The following EVL variants were observed in gnomAD, a reference collection of about 807,000 sequenced individuals.
The protein encoded by EVL is ena/VASP-like protein.
Under a neutral mutation model 59.6 loss-of-function variants are expected in EVL, and 21 were observed. The observed-to-expected ratio is 0.35, with a 90% CI of 0.25 to 0.51. EVL has a LOEUF of 0.51. Ranked by LOEUF, EVL falls within the 20% of genes least tolerant of loss-of-function variation. The pLI is 0.97. For missense variants in EVL, 462 were observed against 546.6 expected, an observed-to-expected ratio of 0.85 and a Z score of 1.54; for synonymous variants, 198 against 203.5, an observed-to-expected ratio of 0.97 and a Z score of 0.23.
At chr14:99,973,868 A>G (rs2060752222) in intron 1 of EVL, among the ~76,000 whole-genome samples, 1 of 152,198 alleles carries the variant, frequency 6.6e-6, no homozygotes, top group Non-Finnish European at 1.5e-5. Flanking sequence ...AAGGGGTTAA[A>G]TTTTATTTTT....
At chr14:99,975,492 A>C (rs1042675407) in intron 1 of EVL, among the ~76,000 whole-genome samples, 28 of 152,172 alleles carry the variant, frequency 1.8e-4, no homozygotes, top group African/African-American at 5.3e-4. Flanking sequence ...ATGTGAGACC[A>C]GCAGTTCACA....
intron 1 of EVL, chr14:100,066,532 G>C (rs999916684): frequency 6.6e-6 from 1 of 152,104 alleles, no homozygotes; most frequent in African/African-American, 2.4e-5. Flanking sequence ...ACTTGTCCAG[G>C]GCTGCTTATT....
chr14:100,098,879 A>G (rs1354439795), intron 3 of EVL, among the ~76,000 whole-genome samples: 1 of 152,172 alleles, frequency 6.6e-6, no homozygotes, highest in African/African-American at 2.4e-5. Context: ...TTACATTTAA[A>G]TGAACTAGAA....
chr14:100,129,426 G>A lies in EVL; in HGVS notation c.718-137G>A. On this transcript the variant is annotated intron_variant, in intron 6 of 13. Coordinates refer to ENST00000392920, the MANE Select transcript of EVL (RefSeq NM_016337.3). ...TGTGGGGTTGGAGAATAATGGACCA[G>A]ATGGCCCCTGAGGCCCCTTGCAGTG... The A allele has an allele frequency of 2.4e-6, 3 of 1,247,788 alleles. No individual in the cohort carries two copies. The South Asian group carries it at 4.1e-5, about 17-fold the overall frequency. 77.3% of individuals were successfully genotyped at this position (1,247,788 alleles called of 1,614,324 possible).
chr14:99,979,145 C>G (rs755971517), intron 1 of EVL, among the ~76,000 whole-genome samples: 2 of 152,014 alleles, frequency 1.3e-5, no homozygotes, highest in Non-Finnish European at 2.9e-5. Flanking sequence ...ACTAGACACT[C>G]CCATCCCCCA....
intron 1 of EVL, among the ~76,000 whole-genome samples, chr14:100,082,831 C>CA (rs2062341423): frequency 6.6e-6 from 1 of 152,348 alleles, no homozygotes; most frequent in South Asian, 2.1e-4. Context: ...AGGGTGTCCC[C>CA]AAACCAAGGC....
chr14:100,094,606 T>C (rs1170874538), intron 2 of EVL, among the ~76,000 whole-genome samples: 1 of 150,102 alleles, frequency 6.7e-6, no homozygotes, highest in Non-Finnish European at 1.5e-5. Context: ...GGATGGGGCA[T>C]GGTGGCATGT....
chr14:100,069,448 G>T (rs889025651), intron 1 of EVL, among the ~76,000 whole-genome samples: 106 of 152,304 alleles, frequency 7.0e-4, no homozygotes, highest in African/African-American at 2.3e-3. Flanking sequence ...GGGTTTGGAG[G>T]AGTCTCCAGG....
intron 1 of EVL, among the ~76,000 whole-genome samples, chr14:99,992,162 G>A (rs561696802): frequency 2.6e-5 from 4 of 152,216 alleles, no homozygotes; most frequent in Admixed American, 6.5e-5. Flanking sequence ...GTGTGAAGTG[G>A]TATCTCATTG....
intron 1 of EVL, among the ~76,000 whole-genome samples, chr14:100,059,696 T>A (rs866028025): frequency 6.6e-6 from 1 of 151,510 alleles, no homozygotes; most frequent in Non-Finnish European, 1.5e-5. Flanking sequence ...TGTCACACTT[T>A]AGGAGTAGGA....
intron 1 of EVL, among the ~76,000 whole-genome samples, chr14:100,046,113 A>G (rs2061542028): frequency 6.6e-6 from 1 of 152,206 alleles, no homozygotes; most frequent in Admixed American, 6.5e-5. Flanking sequence ...TAGCCAAATG[A>G]TAAGAAAAAC....
At chr14:100,054,115 C>T (rs571125582) in intron 1 of EVL, among the ~76,000 whole-genome samples, 105 of 130,124 alleles carry the variant, frequency 8.1e-4, no homozygotes, top group Non-Finnish European at 1.4e-3. Context: ...AGTGCAGTGG[C>T]GTGATCCCAG....
intron 3 of EVL, chr14:100,106,736 G>T: frequency 7.5e-6 from 3 of 397,896 alleles, no homozygotes; most frequent in Non-Finnish European, 1.3e-5. Context: ...TGAAACTCGG[G>T]CTGGTTCCTT....
intron 13 of EVL, 67 bp from the exon 14 acceptor site, chr14:100,143,634 G>A (rs1889338248): frequency 6.3e-7 from 1 of 1,592,314 alleles, no homozygotes; most frequent in Non-Finnish European, 8.6e-7. Flanking sequence ...AGGGGTGCGG[G>A]GCCCTGATGA....
intron 3 of EVL, among the ~76,000 whole-genome samples, chr14:100,103,980 A>G (rs1886399258): frequency 6.6e-6 from 1 of 152,100 alleles, no homozygotes; most frequent in Non-Finnish European, 1.5e-5. Context: ...GTGTGTGTGC[A>G]TATGTACTTA....
chr14:100,071,615 A>G (rs1436274866), intron 1 of EVL, among the ~76,000 whole-genome samples: 1 of 152,194 alleles, frequency 6.6e-6, no homozygotes, highest in African/African-American at 2.4e-5. Flanking sequence ...CATCCTCAAT[A>G]ATTGAGTGTA....
chr14:100,048,696 A>G (rs561540446), intron 1 of EVL, among the ~76,000 whole-genome samples: 1 of 152,344 alleles, frequency 6.6e-6, no homozygotes, highest in South Asian at 2.1e-4. Flanking sequence ...CTTTGATTAA[A>G]TGGATAAACA....
At chr14:100,026,517 G>A (rs902040462) in intron 1 of EVL, among the ~76,000 whole-genome samples, 4 of 152,024 alleles carry the variant, frequency 2.6e-5, no homozygotes, top group African/African-American at 9.7e-5. Flanking sequence ...AGAGCTTGTC[G>A]TGGTGCCTGG....
At chr14:100,141,871 C>A in intron 13 of EVL, 78 bp downstream of exon 13, 1 of 1,407,472 alleles carries the variant, frequency 7.1e-7, no homozygotes, top group Non-Finnish European at 9.8e-7. Context: ...AGGCTGGGGG[C>A]CTCCAGTTTT....
Sources: gnomAD v4.1 joint callset for allele counts (sites outside exome capture counted in the v4.1 genomes callset) on GRCh38, gnomAD v4.1.1 for gene constraint, MANE v1.5 for transcripts, NCBI Gene and HGNC (gene_info 2026-07-23, HGNC 2026-07-21) for gene names.